The following SCP2 variants were observed in gnomAD, a reference collection of about 807,000 sequenced individuals.
SCP2 encodes SCP-2/3-oxoacyl-CoA thiolase.
SCP2 carries 48 observed loss-of-function variants against 71.4 expected under a neutral mutation model. That is an observed-to-expected ratio of 0.67 (90% CI 0.53 to 0.86). The LOEUF is 0.86. SCP2 is among the 40% of genes least tolerant of loss of function. The pLI is 0.00. For missense variants in SCP2, 560 were observed against 655.6 expected (o/e 0.85, Z 1.59); for synonymous variants, 220 against 218.1 (o/e 1.01, Z -0.08).
At chr1:53,029,268 T>C (rs1287447927) in intron 13 of SCP2, among the ~76,000 whole-genome samples, 1 of 95,762 alleles carries the variant, frequency 1.0e-5, no homozygotes, top group Non-Finnish European at 2.0e-5. Flanking sequence ...CTCTTTCTGT[T>C]TTTTTTTTTT....
intron 1 of SCP2, among the ~76,000 whole-genome samples, chr1:52,927,683 G>A (rs1403950798): frequency 6.6e-6 from 1 of 152,192 alleles, no homozygotes; most frequent in East Asian, 1.9e-4. Context: ...TCTGGTCAGA[G>A]TTCATGAAGC....
At chr1:52,932,221 G>A (rs1012454181) in intron 1 of SCP2, among the ~76,000 whole-genome samples, 4 of 152,048 alleles carry the variant, frequency 2.6e-5, no homozygotes, top group African/African-American at 7.2e-5. Flanking sequence ...AAGCCAATCC[G>A]ATGAATAAAA....
rs144609947 is a variant in SCP2 at position 52,927,564 on chromosome 1, G to C, written c.69+99G>C. The C allele has an allele frequency of 4.6e-4, 410 of 899,248 alleles. 1 individual carries two copies. The African/African-American group carries it at 4.9e-3, about 11-fold the overall frequency. 55.7% of individuals were successfully genotyped at this position (899,248 alleles called of 1,614,324 possible). A position where few individuals can be genotyped will look rare whatever the true frequency, so the allele number is the denominator to read the frequency against. On this transcript the variant is annotated intron_variant, in intron 1 of 15. Coordinates refer to ENST00000371514, the MANE Select transcript of SCP2 (RefSeq NM_002979.5). ...GGTCTCCTAGCTTCGACTGCTCCGC[G>C]CGTGGGTCATCGGCGTGGCGACTTG...
intron 11 of SCP2, 31 bp from the exon 12 acceptor site, chr1:53,014,859 G>A (rs1661219534): frequency 6.2e-7 from 1 of 1,610,928 alleles, no homozygotes; most frequent in Non-Finnish European, 8.5e-7. Context: ...GCTGGTGGAA[G>A]CAGCTCAGTG....
chr1:52,968,134 G>A (rs1029126738), intron 6 of SCP2, among the ~76,000 whole-genome samples: 3 of 152,078 alleles, frequency 2.0e-5, no homozygotes, highest in Admixed American at 6.5e-5. Flanking sequence ...TAGAGATGGC[G>A]TTTCTCCATG....
chr1:52,955,632 A>C (rs893950063), intron 5 of SCP2, among the ~76,000 whole-genome samples: 7 of 152,224 alleles, frequency 4.6e-5, no homozygotes, highest in Non-Finnish European at 7.3e-5. Context: ...TAAGTCGTCC[A>C]GGAAACCTCA....
chr1:53,026,683 G>A (rs990250058), intron 12 of SCP2, among the ~76,000 whole-genome samples: 2 of 152,066 alleles, frequency 1.3e-5, no homozygotes, highest in Non-Finnish European at 1.5e-5. Context: ...GGTGGCATGC[G>A]CCTATAGTCC....
intron 5 of SCP2, among the ~76,000 whole-genome samples, chr1:52,961,141 A>G (rs11206052): frequency 0.34 from 50,104 of 145,278 alleles, 9,983 homozygotes; most frequent in East Asian, 0.73. Context: ...GGTTTGTTAC[A>G]TACGTATGCA....
chr1:52,999,815 G>GTTTTTTTTTTTTTTTTTT (rs60893788), intron 11 of SCP2, among the ~76,000 whole-genome samples: 8 of 109,420 alleles, frequency 7.3e-5, no homozygotes, highest in African/African-American at 1.5e-4. Flanking sequence ...CTGAACACTT[G>GTTTTTTTTTTTTTTTTTT]TTTTTTTTTT....
intron 2 of SCP2, among the ~76,000 whole-genome samples, chr1:52,944,172 G>C (rs1278604492): frequency 6.6e-6 from 1 of 152,136 alleles, no homozygotes; most frequent in Non-Finnish European, 1.5e-5. Flanking sequence ...TTTTCCTAGG[G>C]AGCCTCCCCA....
chr1:52,966,299 T>A (rs1055088718), intron 6 of SCP2, among the ~76,000 whole-genome samples: 1 of 152,034 alleles, frequency 6.6e-6, no homozygotes, highest in Admixed American at 6.6e-5. Flanking sequence ...TCTTGAGTTT[T>A]TTTTTTTCCA....
chr1:52,983,199 G>A (rs1658686877), intron 10 of SCP2, among the ~76,000 whole-genome samples: 1 of 152,122 alleles, frequency 6.6e-6, no homozygotes, highest in Non-Finnish European at 1.5e-5. Context: ...AGGAGTCATG[G>A]TCATTCAAAT....
chr1:53,019,417 T>C (rs1661562834), intron 12 of SCP2, among the ~76,000 whole-genome samples: 1 of 152,252 alleles, frequency 6.6e-6, no homozygotes, highest in Admixed American at 6.5e-5. Context: ...GTATCAATTA[T>C]TTTGATTTTC....
At chr1:53,035,249 A>G (rs1662846399) in intron 13 of SCP2, among the ~76,000 whole-genome samples, 1 of 152,330 alleles carries the variant, frequency 6.6e-6, no homozygotes, top group Non-Finnish European at 1.5e-5. Context: ...CCAGTTCCAA[A>G]ATAAACATTA....
chr1:53,047,997 A>G (rs759649893), intron 15 of SCP2, 60 bp downstream of exon 15: 5 of 1,139,430 alleles, frequency 4.4e-6, no homozygotes, highest in Admixed American at 3.4e-5. Context: ...TTTCTACTCC[A>G]TCTCCTGACT....
intron 11 of SCP2, among the ~76,000 whole-genome samples, chr1:53,014,238 A>G (rs987524623): frequency 2.0e-5 from 3 of 151,938 alleles, no homozygotes; most frequent in African/African-American, 7.3e-5. Context: ...CTCTCCTTCA[A>G]TAGCTGGTCC....
intron 1 of SCP2, among the ~76,000 whole-genome samples, chr1:52,939,136 C>A (rs562980696): frequency 7.2e-5 from 11 of 152,164 alleles, no homozygotes; most frequent in Non-Finnish European, 1.3e-4. Flanking sequence ...TAGCTCATTT[C>A]TTTTTAGCAC....
At chr1:52,931,298 G>T (rs1348194372) in intron 1 of SCP2, among the ~76,000 whole-genome samples, 2 of 152,158 alleles carry the variant, frequency 1.3e-5, no homozygotes, top group Non-Finnish European at 2.9e-5. Context: ...ACTCCAGAAG[G>T]CCCAAAACTT....
chr1:52,989,282 C>T (rs553699275), intron 11 of SCP2, among the ~76,000 whole-genome samples: 10 of 152,194 alleles, frequency 6.6e-5, no homozygotes, highest in African/African-American at 2.2e-4. Context: ...TATAAAAGTT[C>T]GGAGAACTCT....
Sources: gnomAD v4.1 joint callset for allele counts (sites outside exome capture counted in the v4.1 genomes callset) on GRCh38, gnomAD v4.1.1 for gene constraint, MANE v1.5 for transcripts, NCBI Gene and HGNC (gene_info 2026-07-23, HGNC 2026-07-21) for gene names.